ARHGEF35: variants seen among roughly 807,000 people sequenced by gnomAD.
ARHGEF35 encodes Rho guanine nucleotide exchange factor (GEF) 35.
For missense variants in ARHGEF35, 114 were observed against 449.7 expected (o/e 0.25, Z 6.75); for synonymous variants, 47 against 170.4 (o/e 0.28, Z 5.64).
Position 144,186,635 on chromosome 7 carries a change from A to G in ARHGEF35, c.*294T>C, listed in dbSNP as rs1401294500. On this transcript the variant is annotated 3_prime_UTR_variant, in exon 2 of 2. Coordinates refer to ENST00000378115, the MANE Select transcript of ARHGEF35 (RefSeq NM_001003702.3). Reference sequence around the variant, plus strand: ...CATTTACAGAATATTCCACACAGTAACAGCAGAATACACATATTTTTTTTG... The same window carrying G: ...CATTTACAGAATATTCCACACAGTAGCAGCAGAATACACATATTTTTTTTG... The G allele has an allele frequency of 8.1e-6, 2 of 246,716 alleles. No individual in the cohort carries two copies. The highest frequency in any genetic ancestry group is 1.1e-4 in the Admixed American group (2 of 18,282). 15.3% of individuals were successfully genotyped at this position (246,716 alleles called of 1,614,324 possible).
At chr7:144,191,064 C>G (rs1417808382) in intron 1 of ARHGEF35, among the ~76,000 whole-genome samples, 1 of 115,440 alleles carries the variant, frequency 8.7e-6, no homozygotes, top group African/African-American at 3.2e-5. Context: ...TATCCCATCC[C>G]TCTCCACTGG....
At chr7:144,193,914 C>T (rs1308196799) in intron 1 of ARHGEF35, among the ~76,000 whole-genome samples, 5 of 145,906 alleles carry the variant, frequency 3.4e-5, no homozygotes, top group African/African-American at 1.3e-4. Context: ...TATAAGTGAT[C>T]GGCTCCTGCT....
chr7:144,190,583 A>G (rs1332841101), intron 1 of ARHGEF35, among the ~76,000 whole-genome samples: 14 of 140,446 alleles, frequency 1.0e-4, no homozygotes, highest in Admixed American at 2.8e-4. Context: ...CCATACATCT[A>G]AGAGTCATCG....
At position 144,186,923 on chromosome 7, in the gene ARHGEF35, G is replaced by C. The variant is rs1277443880; in HGVS notation, c.*6C>G. On this transcript the variant is annotated 3_prime_UTR_variant, in exon 2 of 2. Coordinates refer to ENST00000378115, the MANE Select transcript of ARHGEF35 (RefSeq NM_001003702.3). ...TTGAACTGGATAAACATGAAACTGT[G>C]ACATATCAAAGTACTGATAGAAGTT... 6.8e-7 allele frequency: 1 copy of C among 1,472,778 alleles called. No individual in the cohort carries two copies. The highest frequency in any genetic ancestry group is 2.0e-5 in the Admixed American group (1 of 49,380). 91.2% of individuals were successfully genotyped at this position (1,472,778 alleles called of 1,614,324 possible).
intron 1 of ARHGEF35, among the ~76,000 whole-genome samples, chr7:144,190,726 C>T (rs1237284860): frequency 6.7e-6 from 1 of 149,456 alleles, no homozygotes; most frequent in Non-Finnish European, 1.5e-5. Context: ...AGTTTGAGAC[C>T]AGCCTGGACA....
chr7:144,192,211 C>T (rs1371013523), intron 1 of ARHGEF35, among the ~76,000 whole-genome samples: 25 of 107,192 alleles, frequency 2.3e-4, no homozygotes, highest in Middle Eastern at 3.9e-3. Flanking sequence ...AGAATACTGT[C>T]CTGCTTAGCC....
At chr7:144,190,701 C>T (rs2464096) in intron 1 of ARHGEF35, among the ~76,000 whole-genome samples, 19,337 of 103,992 alleles carry the variant, frequency 0.19, 299 homozygotes, top group African/African-American at 0.32. Flanking sequence ...GGCAGGTTGA[C>T]TGCTTGAATC....
rs1250713307 is a variant in ARHGEF35, at chr7:144,186,502, A to G, written c.*427T>C. 2.0e-4 allele frequency: 21 copies of G among 106,698 alleles called. No homozygotes were observed. Among genetic ancestry groups the G allele is most frequent in the Admixed American group, 2.0e-4 (2 of 10,108 alleles). 6.6% of individuals were successfully genotyped at this position (106,698 alleles called of 1,614,324 possible). A position where few individuals can be genotyped will look rare whatever the true frequency, so the allele number is the denominator to read the frequency against. On this transcript the variant is annotated 3_prime_UTR_variant, in exon 2 of 2. Transcript: ENST00000378115. ...TTAAAATGGTTCTTGAATATAGATTACACAAAATTTTGTGAAGCATTTCAT... is the reference window on the plus strand; with the variant it reads ...TTAAAATGGTTCTTGAATATAGATTGCACAAAATTTTGTGAAGCATTTCAT...
rs2051950263 is a variant in ARHGEF35, at chr7:144,186,323, A to G, written c.*606T>C. On this transcript the variant is annotated 3_prime_UTR_variant, in exon 2 of 2. Transcript: ENST00000378115. Reference sequence around the variant, plus strand: ...AATAAATTTTCATTGATTTTTTTTAAAAAAAGAAAACTGAAAGGAGATATA... The same window carrying G: ...AATAAATTTTCATTGATTTTTTTTAGAAAAAGAAAACTGAAAGGAGATATA... 1 of 180,938 alleles carries G rather than the reference A, an allele frequency of 5.5e-6. No homozygotes were observed. The highest frequency in any genetic ancestry group is 2.6e-5 in the African/African-American group (1 of 38,690). The allele number at this position is 180,938 out of a possible 1,614,324, so 11.2% of individuals were successfully genotyped here. A position where few individuals can be genotyped will look rare whatever the true frequency, so the allele number is the denominator to read the frequency against.
intron 1 of ARHGEF35, among the ~76,000 whole-genome samples, chr7:144,189,869 C>G (rs547955614): frequency 3.2e-3 from 400 of 125,670 alleles, no homozygotes; most frequent in Admixed American, 5.5e-3. Flanking sequence ...TGCCGTGGTG[C>G]AATCTTGGGT....
At chr7:144,191,808 A>T (rs2052006525) in intron 1 of ARHGEF35, among the ~76,000 whole-genome samples, 1 of 118,860 alleles carries the variant, frequency 8.4e-6, no homozygotes, top group Non-Finnish European at 1.8e-5. Flanking sequence ...GTAACATAAA[A>T]ATGTACACTG....
chr7:144,189,839 C>T, intron 1 of ARHGEF35, among the ~76,000 whole-genome samples: 1 of 116,996 alleles, frequency 8.5e-6, no homozygotes, highest in African/African-American at 3.5e-5. Flanking sequence ...TGGAGTCTTG[C>T]TCTGTCACCC....
chr7:144,191,250 T>C (rs1487970165), intron 1 of ARHGEF35, among the ~76,000 whole-genome samples: 638 of 89,496 alleles, frequency 7.1e-3, no homozygotes, highest in Non-Finnish European at 9.4e-3. Context: ...AGATGAAATC[T>C]AAATCTTCAG....
In ARHGEF35 at chr7:144,187,335, C is replaced by T; in HGVS notation, c.1049G>A (p.Gly350Glu). 1 of 1,393,814 alleles carries T rather than the reference C, an allele frequency of 7.2e-7. No individual in the cohort carries two copies. Among genetic ancestry groups the T allele is most frequent in the Non-Finnish European group, 9.9e-7 (1 of 1,014,530 alleles). The allele number at this position is 1,393,814 out of a possible 1,614,324, so 86.3% of individuals were successfully genotyped here. The change falls in exon 2 of 2, where the codon GGA (glycine) becomes GAA (glutamate). Residue 350 changes from glycine (G) to glutamate (E), a missense_variant. Transcript: ENST00000378115. Reference sequence around the variant, plus strand: ...CTTTCCAGTTACTTCCTCTGATTTTCCCAAAAAGGTTTGACTCTTTTCGTC... The same window carrying T: ...CTTTCCAGTTACTTCCTCTGATTTTTCCAAAAAGGTTTGACTCTTTTCGTC... ...SQDEKSQTFLGKSEEVTGKQE... is the reference protein window; with the variant it reads ...SQDEKSQTFLEKSEEVTGKQE...
intron 1 of ARHGEF35, among the ~76,000 whole-genome samples, chr7:144,189,817 T>C (rs1287761671): frequency 2.6e-5 from 3 of 117,454 alleles, no homozygotes; most frequent in African/African-American, 6.8e-5. Context: ...TTTTTTTTTT[T>C]TTTTTTTGAG....
rs201464355 is a variant in ARHGEF35 at position 144,187,046 on chromosome 7, G to A, written c.1338C>T (p.Pro446=). The change falls in exon 2 of 2, where the codon CCC becomes CCT. Residue 446 remains proline (P), a synonymous_variant. Coordinates refer to ENST00000378115, the MANE Select transcript of ARHGEF35 (RefSeq NM_001003702.3). ...GCTCTAGCAAGGGAGACAGAGCTGCGGGGGACAGTTCCTCAGCCCTGGACT... is the reference window on the plus strand; with the variant it reads ...GCTCTAGCAAGGGAGACAGAGCTGCAGGGGACAGTTCCTCAGCCCTGGACT... The part of the protein sequence containing the change: ...QTESRAEELS[P]AALSPLLEPI... 6.6e-4 allele frequency: 1,019 copies of A among 1,544,468 alleles called. 24 individuals carry two copies. The East Asian group carries it at 0.016, about 25-fold the overall frequency.
intron 1 of ARHGEF35, among the ~76,000 whole-genome samples, chr7:144,191,346 C>CG (rs2052000884): frequency 2.4e-5 from 2 of 82,904 alleles, no homozygotes; most frequent in Non-Finnish European, 5.1e-5. Flanking sequence ...TGCCCCCATC[C>CG]CCCCCCCCCC....
Position 144,186,690 on chromosome 7 carries a change from G to C in ARHGEF35, c.*239C>G. 2.6e-6 allele frequency: 1 copy of C among 387,468 alleles called. No individual in the cohort carries two copies. Among genetic ancestry groups the C allele is most frequent in the East Asian group, 3.6e-5 (1 of 28,040 alleles). The allele number at this position is 387,468 out of a possible 1,614,324, so 24.0% of individuals were successfully genotyped here. A position where few individuals can be genotyped will look rare whatever the true frequency, so the allele number is the denominator to read the frequency against. On this transcript the variant is annotated 3_prime_UTR_variant, in exon 2 of 2. Coordinates refer to ENST00000378115, the MANE Select transcript of ARHGEF35 (RefSeq NM_001003702.3). Reference sequence around the variant, plus strand: ...CTGACGAAACACATGGCAAGATAGAGCTGTCCTAGGCCCTAAAACTCGCCA... The same window carrying C: ...CTGACGAAACACATGGCAAGATAGACCTGTCCTAGGCCCTAAAACTCGCCA...
chr7:144,192,254 C>G (rs2052010890), intron 1 of ARHGEF35, among the ~76,000 whole-genome samples: 1 of 95,376 alleles, frequency 1.0e-5, no homozygotes, highest in Non-Finnish European at 2.1e-5. Flanking sequence ...CACACACACA[C>G]ACACACACAC....
Sources: allele counts gnomAD v4.1 joint callset (sites outside exome capture counted in the v4.1 genomes callset), GRCh38; gene constraint gnomAD v4.1.1; transcripts MANE v1.5; gene names NCBI Gene and HGNC (gene_info 2026-07-23, HGNC 2026-07-21).